ROBO1: variants seen among roughly 807,000 people sequenced by gnomAD.
ROBO1 encodes the protein roundabout homolog 1.
ROBO1 carries 149 observed loss-of-function variants against 195.9 expected under a neutral mutation model. The ratio of observed to expected loss-of-function variants is 0.76; its 90% confidence interval spans 0.67 to 0.87. The LOEUF (loss-of-function observed/expected upper bound fraction) is 0.87. ROBO1 is among the 40% of genes least tolerant of loss of function. ROBO1 has a pLI of 0.00. For missense variants in ROBO1, 1,933 were observed against 2,068.3 expected, an observed-to-expected ratio of 0.93 and a Z score of 1.27; for synonymous variants, 816 against 733.2, an observed-to-expected ratio of 1.11 and a Z score of -1.82.
chr3:79,328,793 AC>A (rs957028769), intron 2 of ROBO1, among the ~76,000 whole-genome samples: 13 of 149,728 alleles, frequency 8.7e-5, no homozygotes, highest in Admixed American at 4.0e-4. Flanking sequence ...TTCCCCCGTC[AC>A]CCCCCTCCCA....
At chr3:78,938,033 ATT>A (rs1485622065) in intron 4 of ROBO1, 2 of 106,076 alleles carry the variant, frequency 1.9e-5, no homozygotes, top group Non-Finnish European at 4.1e-5. Flanking sequence ...GTGTGTGTGT[ATT>A]TTTTGGCTAT....
At chr3:78,739,851 T>C (rs1231053171) in intron 5 of ROBO1, among the ~76,000 whole-genome samples, 1 of 152,138 alleles carries the variant, frequency 6.6e-6, no homozygotes, top group Admixed American at 6.6e-5. Context: ...CAGTACTTCA[T>C]AATGGAAACT....
intron 4 of ROBO1, among the ~76,000 whole-genome samples, chr3:78,846,954 G>A (rs1056759597): frequency 6.6e-6 from 1 of 152,048 alleles, no homozygotes; most frequent in Admixed American, 6.6e-5. Context: ...AGATCCAAGG[G>A]GAAACACAGC....
At chr3:79,107,615 T>G (rs892826036) in intron 3 of ROBO1, among the ~76,000 whole-genome samples, 1 of 151,678 alleles carries the variant, frequency 6.6e-6, no homozygotes, top group Non-Finnish European at 1.5e-5. Context: ...ATTAAAATGT[T>G]GGGTGTTGAT....
intron 1 of ROBO1, among the ~76,000 whole-genome samples, chr3:79,649,328 G>GTATA (rs1385156670): frequency 2.0e-5 from 3 of 151,922 alleles, no homozygotes; most frequent in African/African-American, 7.2e-5. Context: ...TTTATGTAAT[G>GTATA]TATATGTCTC....
chr3:79,210,785 T>C (rs1221509491), intron 2 of ROBO1, among the ~76,000 whole-genome samples: 1 of 152,154 alleles, frequency 6.6e-6, no homozygotes, highest in Admixed American at 6.5e-5. Context: ...CTATATTAGA[T>C]GGTTTATGAA....
intron 1 of ROBO1, 121 bp from the exon 2 acceptor site, chr3:79,590,082 T>A (rs1943951602): frequency 1.9e-6 from 1 of 515,304 alleles, no homozygotes; most frequent in Non-Finnish European, 3.5e-6. Flanking sequence ...TGAAACAAAA[T>A]TATTACATAA....
intron 2 of ROBO1, among the ~76,000 whole-genome samples, chr3:79,254,580 C>T (rs950327802): frequency 5.9e-5 from 9 of 152,080 alleles, no homozygotes; most frequent in African/African-American, 1.9e-4. Context: ...AAGATAATAC[C>T]TGGCCCAGTG....
chr3:79,752,679 A>T (rs377460826), intron 1 of ROBO1, among the ~76,000 whole-genome samples: 3 of 152,166 alleles, frequency 2.0e-5, no homozygotes, highest in African/African-American at 4.8e-5. Flanking sequence ...GTTAACACTG[A>T]CAGTATAAAA....
At chr3:78,647,438 G>A (rs184082392) in intron 20 of ROBO1, among the ~76,000 whole-genome samples, 191 bp downstream of exon 20, 4 of 152,060 alleles carry the variant, frequency 2.6e-5, no homozygotes, top group Middle Eastern at 3.4e-3. Context: ...TAATTGCATC[G>A]AATGGATGAA....
rs1183252413 is a variant in ROBO1 at position 78,755,048 on chromosome 3, G to C, written c.500-8148C>G. Among the ~76,000 whole-genome samples, 5 of 152,148 alleles carry C rather than the reference G, an allele frequency of 3.3e-5. 1 individual carries two copies. The highest frequency in any genetic ancestry group is 1.3e-4 in the Admixed American group (2 of 15,266). ...TGCTATGCACAGCAGCCATGAGCAA[G>C]GGTAAGCTTTTATTTTAATTCCAAT... On this transcript the variant is annotated intron_variant, in intron 4 of 30. Coordinates refer to ENST00000464233, the MANE Select transcript of ROBO1 (RefSeq NM_002941.4).
intron 28 of ROBO1, among the ~76,000 whole-genome samples, chr3:78,610,606 A>G (rs957187947): frequency 6.6e-6 from 1 of 152,158 alleles, no homozygotes; most frequent in Non-Finnish European, 1.5e-5. Context: ...GGCCTTTAAG[A>G]TATCAAAACT....
Position 78,745,712 on chromosome 3 carries a change from T to C in ROBO1, c.657+1031A>G, listed in dbSNP as rs548297360. On this transcript the variant is annotated intron_variant, in intron 5 of 30. Transcript: ENST00000464233. ...AATCCCAAGAATTACAGAAATCCTT[T>C]GGGAGACTCATTCTAATTCAGATTT... Among the ~76,000 whole-genome samples the C allele has an allele frequency of 1.2e-4, 19 of 152,318 alleles. No homozygotes were observed. The East Asian group carries it at 2.5e-3, about 20-fold the overall frequency.
intron 3 of ROBO1, among the ~76,000 whole-genome samples, chr3:78,966,564 A>G (rs1460519604): frequency 1.3e-5 from 2 of 152,174 alleles, no homozygotes; most frequent in Non-Finnish European, 2.9e-5. Flanking sequence ...AGAACACCTG[A>G]TTTCTTTCGC....
chr3:78,699,788 C>T (rs918841072), intron 8 of ROBO1, among the ~76,000 whole-genome samples: 2 of 151,856 alleles, frequency 1.3e-5, no homozygotes, highest in African/African-American at 2.4e-5. Context: ...TCTTTCAGTC[C>T]TTGAGTACAC....
chr3:79,453,783 T>A (rs1308048284), intron 2 of ROBO1, among the ~76,000 whole-genome samples: 1 of 151,996 alleles, frequency 6.6e-6, no homozygotes, highest in Non-Finnish European at 1.5e-5. Context: ...AAAAACACTA[T>A]CCAAGCACGA....
At chr3:79,082,731 A>G (rs1435371051) in intron 3 of ROBO1, among the ~76,000 whole-genome samples, 2 of 152,018 alleles carry the variant, frequency 1.3e-5, no homozygotes, top group African/African-American at 4.8e-5. Context: ...TCTCTCCCCA[A>G]CACCTTCTCA....
chr3:79,096,736 A>ATG (rs966635138), intron 3 of ROBO1, among the ~76,000 whole-genome samples: 21 of 150,270 alleles, frequency 1.4e-4, no homozygotes, highest in Admixed American at 3.3e-4. Context: ...ATATGTATAT[A>ATG]TGTGTGTGTG....
intron 4 of ROBO1, among the ~76,000 whole-genome samples, chr3:78,914,607 C>T (rs2038445133): frequency 6.6e-6 from 1 of 151,178 alleles, no homozygotes; most frequent in African/African-American, 2.4e-5. Flanking sequence ...GTTTTTATTA[C>T]ACGTAACTTG....
Sources: allele counts gnomAD v4.1 joint callset (sites outside exome capture counted in the v4.1 genomes callset), GRCh38; gene constraint gnomAD v4.1.1; transcripts MANE v1.5; gene names NCBI Gene and HGNC (gene_info 2026-07-23, HGNC 2026-07-21).